LYG2: variants seen among roughly 807,000 people sequenced by gnomAD.
LYG2 encodes the protein lysozyme g2, also known as lysozyme g-like protein 2.
In LYG2, 25 loss-of-function variants were observed where a neutral mutation model predicts 22.4. That is an observed-to-expected ratio of 1.12 (90% CI 0.81 to 1.56). LYG2 has a LOEUF of 1.56. Ranked by LOEUF, LYG2 falls within the 40% of genes most tolerant of loss-of-function variation. The pLI is 0.00. For missense variants in LYG2, 266 were observed against 269.5 expected (o/e 0.99, Z 0.09); for synonymous variants, 88 against 97.0 (o/e 0.91, Z 0.55).
At chr2:99,251,447 C>T (rs2094026405) in intron 3 of LYG2, among the ~76,000 whole-genome samples, 1 of 152,086 alleles carries the variant, frequency 6.6e-6, no homozygotes, top group African/African-American at 2.4e-5. Context: ...CTTATTTTGA[C>T]ACTATTGTAT....
At chr2:99,250,488 C>T (rs2094024333) in intron 3 of LYG2, among the ~76,000 whole-genome samples, 1 of 151,604 alleles carries the variant, frequency 6.6e-6, no homozygotes, top group Non-Finnish European at 1.5e-5. Flanking sequence ...CATTCTCCTG[C>T]CTCAGCCTCC....
In LYG2 at chr2:99,245,382, G is replaced by A. The variant is rs573670949; in HGVS notation, c.261C>T (p.Val87=). The change falls in exon 5 of 7, where the codon GTC becomes GTT. Residue 87 remains valine, a synonymous_variant. Transcript: ENST00000333017. The part of the protein sequence containing the change: ...IKPYQTLIKE[V]GQRHCVDPAV... ...CAGGGTCCACGCAATGTCTCTGCCCGACTTCTTTGATCAGAGTCTGGTAAG... is the reference window on the plus strand; with the variant it reads ...CAGGGTCCACGCAATGTCTCTGCCCAACTTCTTTGATCAGAGTCTGGTAAG... The A allele has an allele frequency of 8.7e-6, 14 of 1,612,896 alleles. No homozygotes were observed. The highest frequency in any genetic ancestry group is 4.5e-5 in the East Asian group (2 of 44,792).
In LYG2 at chr2:99,249,345, G is replaced by A. The variant is rs142823612; in HGVS notation, c.44-2525C>T. Among the ~76,000 whole-genome samples the A allele has an allele frequency of 2.8e-4, 42 of 152,036 alleles. 2 individuals carry two copies. The highest frequency in any genetic ancestry group is 9.4e-4 in the African/African-American group (39 of 41,476). On this transcript the variant is annotated intron_variant, in intron 3 of 6. Transcript: ENST00000333017. Reference sequence around the variant, plus strand: ...TGAGACAGGAAGATTGATTGAACCCGGGAGGTCGAGGCTGCAGTGAGCTTT... The same window carrying A: ...TGAGACAGGAAGATTGATTGAACCCAGGAGGTCGAGGCTGCAGTGAGCTTT...
At chr2:99,256,646 GA>G (rs2094036884), upstream of LYG2, among the ~76,000 whole-genome samples, 2 of 152,220 alleles carry the variant, frequency 1.3e-5, no homozygotes, top group African/African-American at 4.8e-5. Context: ...ACATGCACTG[GA>G]AGAAGACATT....
the LYG2 span, among the ~76,000 whole-genome samples, chr2:99,261,128 CAG>C: frequency 6.6e-6 from 1 of 151,994 alleles, no homozygotes; most frequent in Non-Finnish European, 1.5e-5. Context: ...AAGGAGAAAA[CAG>C]AGGGCTGGAG....
At chr2:99,260,996 G>A in the LYG2 span, among the ~76,000 whole-genome samples, 1 of 152,184 alleles carries the variant, frequency 6.6e-6, no homozygotes, top group South Asian at 2.1e-4. Context: ...TGGAGAGACA[G>A]CTGAAAGAGA....
In LYG2 at chr2:99,253,048, CA is replaced by C. The variant is rs35859472; in HGVS notation, c.43+1169del. 6.2e-3 allele frequency among the ~76,000 whole-genome samples: 414 copies of C among 67,260 alleles called. 3 individuals carry two copies. The highest frequency in any genetic ancestry group is 0.022 in the African/African-American group (354 of 15,940). 44.1% of individuals were successfully genotyped at this position (67,260 alleles called of 152,430 possible). A position where few individuals can be genotyped will look rare whatever the true frequency, so the allele number is the denominator to read the frequency against. ...TGGGCGACAGAGCAAGACTCTGTCT[CA>C]AAAAAAAAAAAAAAAAAAAAGGCTT... On this transcript the variant is annotated intron_variant, in intron 3 of 6. Transcript: ENST00000333017.
intron 3 of LYG2, among the ~76,000 whole-genome samples, chr2:99,248,603 G>T (rs1388625631): frequency 8.0e-6 from 1 of 125,744 alleles, no homozygotes; most frequent in Admixed American, 8.5e-5. Context: ...GGAGGGGGGA[G>T]GGATAGCATT....
intron 3 of LYG2, among the ~76,000 whole-genome samples, chr2:99,251,890 T>C (rs1156904054): frequency 8.0e-6 from 1 of 125,290 alleles, no homozygotes; most frequent in Non-Finnish European, 1.8e-5. Context: ...CAGGCTGGAG[T>C]GCAGTGGCCA....
chr2:99,245,222 G>A (rs773353436), intron 5 of LYG2, 40 bp downstream of exon 5: 1 of 1,517,706 alleles, frequency 6.6e-7, no homozygotes. Context: ...TCTGTGAGGA[G>A]GGATGCAGTG....
At chr2:99,244,865 C>T (rs1200891388) in intron 5 of LYG2, among the ~76,000 whole-genome samples, 1 of 152,058 alleles carries the variant, frequency 6.6e-6, no homozygotes, top group Non-Finnish European at 1.5e-5. Flanking sequence ...AATCCCAGCA[C>T]TTTGGGAGAC....
At chr2:99,256,274 G>T (rs2094036147), upstream of LYG2, among the ~76,000 whole-genome samples, 2 of 152,158 alleles carry the variant, frequency 1.3e-5, no homozygotes, top group African/African-American at 2.4e-5. Flanking sequence ...CTCTGGCATG[G>T]CCTCTAGCCT....
rs879463871 is a variant in LYG2, at chr2:99,248,291, A to T, written c.44-1471T>A. Among the ~76,000 whole-genome samples the T allele has an allele frequency of 3.9e-3, 597 of 152,298 alleles. 4 individuals carry two copies. The highest frequency in any genetic ancestry group is 0.014 in the African/African-American group (571 of 41,540). On this transcript the variant is annotated intron_variant, in intron 3 of 6. Coordinates refer to ENST00000333017, the MANE Select transcript of LYG2 (RefSeq NM_175735.4). ...TAAAGACACATGCACACGTATGTTT[A>T]TTGCGGCACTATTCACAATAGCAAA...
upstream of LYG2, among the ~76,000 whole-genome samples, chr2:99,258,514 C>T (rs900484894): frequency 6.6e-6 from 1 of 152,160 alleles, no homozygotes; most frequent in Non-Finnish European, 1.5e-5. Context: ...GCAGGACAAG[C>T]AAGAGCTATT....
chr2:99,245,495 G>A (rs778408528), intron 4 of LYG2, 37 bp from the exon 5 acceptor site: 1 of 1,392,152 alleles, frequency 7.2e-7, no homozygotes, highest in Non-Finnish European at 9.9e-7. Flanking sequence ...TTCCGGGCAT[G>A]GTAGTGTGTG....
intron 3 of LYG2, among the ~76,000 whole-genome samples, chr2:99,251,337 C>T (rs1302344664): frequency 1.3e-5 from 2 of 152,112 alleles, no homozygotes; most frequent in African/African-American, 4.8e-5. Flanking sequence ...CCATATAAGT[C>T]TATACCACTA....
intron 3 of LYG2, among the ~76,000 whole-genome samples, chr2:99,249,560 C>G (rs2094022610): frequency 6.6e-6 from 1 of 151,822 alleles, no homozygotes; most frequent in Non-Finnish European, 1.5e-5. Flanking sequence ...GTCGGGAGTT[C>G]AAGACCAGTC....
chr2:99,251,846 T>A (rs536744321), intron 3 of LYG2, among the ~76,000 whole-genome samples: 99 of 150,196 alleles, frequency 6.6e-4, no homozygotes, highest in Middle Eastern at 6.9e-3. Context: ...AAAAAAAAAA[T>A]TTTTTTTTCC....
At chr2:99,243,918 C>T in intron 6 of LYG2, 81 bp downstream of exon 6, 25 of 1,546,756 alleles carry the variant, frequency 1.6e-5, no homozygotes, top group Non-Finnish European at 2.0e-5. Flanking sequence ...TGGAAATGCT[C>T]CCAGGGAGTC....
Sources: allele counts gnomAD v4.1 joint callset (sites outside exome capture counted in the v4.1 genomes callset), GRCh38; gene constraint gnomAD v4.1.1; transcripts MANE v1.5; gene names NCBI Gene and HGNC (gene_info 2026-07-23, HGNC 2026-07-21).